The following CPED1 variants were observed in gnomAD, a reference collection of about 807,000 sequenced individuals.
The protein encoded by CPED1 is cadherin like and PC-esterase domain containing 1.
CPED1 carries 114 observed loss-of-function variants against 128.2 expected under a neutral mutation model. The ratio of observed to expected loss-of-function variants is 0.89; its 90% CI spans 0.76 to 1.04. The LOEUF (loss-of-function observed/expected upper bound fraction) is 1.04. CPED1 is among the 50% of genes least tolerant of loss of function. The pLI is 0.00. For missense variants in CPED1, 1,211 were observed against 1,207.1 expected (o/e 1.00, Z -0.05); for synonymous variants, 462 against 426.7 (o/e 1.08, Z -1.02).
intron 4 of CPED1, among the ~76,000 whole-genome samples, chr7:121,062,150 G>A (rs897290655): frequency 5.9e-5 from 9 of 152,184 alleles, no homozygotes; most frequent in African/African-American, 2.2e-4. Flanking sequence ...TTGGTTAAGA[G>A]AAGGTTAGCA....
intron 18 of CPED1, among the ~76,000 whole-genome samples, chr7:121,250,292 T>C (rs1798639974): frequency 6.6e-6 from 1 of 151,630 alleles, no homozygotes; most frequent in Admixed American, 6.6e-5. Context: ...AGACACAACA[T>C]ACCAGAATCT....
At chr7:121,243,747 C>G (rs574561567) in intron 17 of CPED1, among the ~76,000 whole-genome samples, 1 of 152,136 alleles carries the variant, frequency 6.6e-6, no homozygotes, top group South Asian at 2.1e-4. Flanking sequence ...TGAAGTAGTT[C>G]TCTTGTATCT....
At chr7:121,227,179 T>TGTTTA (rs935459748) in intron 16 of CPED1, among the ~76,000 whole-genome samples, 20 of 152,196 alleles carry the variant, frequency 1.3e-4, no homozygotes, top group East Asian at 3.9e-4. Flanking sequence ...ATATAGGTCA[T>TGTTTA]GTTTACCCTT....
intron 2 of CPED1, among the ~76,000 whole-genome samples, chr7:120,995,945 TCTCCTCCTCCTCCTCCTCCTCCTC>T (rs10572580): frequency 6.8e-6 from 1 of 147,482 alleles, no homozygotes; most frequent in Admixed American, 6.7e-5. Flanking sequence ...TCCTCCTTCT[TCTCCTCCTCCTCCTCCTCCTCCTC>T]CTTCTTCTTC....
At chr7:121,098,745 A>ATATAC (rs1563024757) in intron 6 of CPED1, among the ~76,000 whole-genome samples, 1 of 33,960 alleles carries the variant, frequency 2.9e-5, no homozygotes, top group Admixed American at 5.0e-4. Context: ...TATATATATA[A>ATATAC]AAATATATAA....
At chr7:121,259,348 G>A (rs1325550472) in intron 18 of CPED1, among the ~76,000 whole-genome samples, 2 of 151,950 alleles carry the variant, frequency 1.3e-5, no homozygotes, top group African/African-American at 4.8e-5. Context: ...GATCTTGGGT[G>A]GAAAGTTGGA....
intron 16 of CPED1, among the ~76,000 whole-genome samples, chr7:121,233,384 G>C (rs6965195): frequency 6.6e-6 from 1 of 151,704 alleles, no homozygotes; most frequent in Non-Finnish European, 1.5e-5. Flanking sequence ...TGACACTTAA[G>C]ACCAAAAAAG....
chr7:121,164,904 C>A (rs186211338), intron 16 of CPED1, among the ~76,000 whole-genome samples: 2 of 152,244 alleles, frequency 1.3e-5, no homozygotes, highest in Admixed American at 1.3e-4. Flanking sequence ...ACTTCTAGTC[C>A]TATATTGTTC....
intron 9 of CPED1, among the ~76,000 whole-genome samples, chr7:121,126,617 C>T (rs924218314): frequency 5.3e-5 from 8 of 151,962 alleles, no homozygotes; most frequent in Admixed American, 2.6e-4. Flanking sequence ...ACTATTATTC[C>T]GGTAAGCCAA....
intron 7 of CPED1, among the ~76,000 whole-genome samples, chr7:121,117,409 T>A (rs1255578850): frequency 6.6e-6 from 1 of 152,114 alleles, no homozygotes; most frequent in Admixed American, 6.6e-5. Flanking sequence ...CCAAATTATA[T>A]TCAAATACAA....
At chr7:121,033,181 A>T (rs1792781879) in intron 3 of CPED1, among the ~76,000 whole-genome samples, 1 of 152,122 alleles carries the variant, frequency 6.6e-6, no homozygotes, top group African/African-American at 2.4e-5. Context: ...TTAGATTGAA[A>T]CCACTGCTGA....
intron 11 of CPED1, among the ~76,000 whole-genome samples, chr7:121,129,319 A>ATATATATACGTATT (rs1452041967): frequency 7.6e-6 from 1 of 131,960 alleles, no homozygotes; most frequent in Non-Finnish European, 1.7e-5. Flanking sequence ...ATACGTATAT[A>ATATATATACGTATT]TATATATATA....
chr7:121,118,044 A>G (rs563194023), intron 7 of CPED1, among the ~76,000 whole-genome samples: 2 of 152,292 alleles, frequency 1.3e-5, no homozygotes, highest in South Asian at 2.1e-4. Flanking sequence ...TTTTAACAAG[A>G]TTGAATATTT....
At chr7:121,030,894 A>G (rs1792710870) in intron 3 of CPED1, among the ~76,000 whole-genome samples, 1 of 152,190 alleles carries the variant, frequency 6.6e-6, no homozygotes, top group South Asian at 2.1e-4. Flanking sequence ...CTTTATATGT[A>G]TTAACTAATC....
At chr7:121,155,196 A>T (rs889740549) in intron 16 of CPED1, among the ~76,000 whole-genome samples, 4 of 152,150 alleles carry the variant, frequency 2.6e-5, no homozygotes, top group Non-Finnish European at 5.9e-5. Context: ...AAACTATAAA[A>T]CTCTGATAAA....
chr7:121,233,995 A>G (rs1351422592), intron 16 of CPED1, among the ~76,000 whole-genome samples: 1 of 152,038 alleles, frequency 6.6e-6, no homozygotes, highest in East Asian at 1.9e-4. Flanking sequence ...CAGAGTGATC[A>G]AGAAAAAGTG....
intron 7 of CPED1, among the ~76,000 whole-genome samples, chr7:121,112,177 C>T (rs910721832): frequency 1.3e-5 from 2 of 152,094 alleles, no homozygotes; most frequent in African/African-American, 4.8e-5. Context: ...AAAGTTTTTG[C>T]TTGTATAGTA....
intron 22 of CPED1, among the ~76,000 whole-genome samples, chr7:121,275,403 A>G (rs1353187529): frequency 6.6e-6 from 1 of 152,154 alleles, no homozygotes; most frequent in Non-Finnish European, 1.5e-5. Context: ...TACATAGGAC[A>G]ACAAACAGGA....
At chr7:121,150,468 G>C (rs866176825) in intron 16 of CPED1, among the ~76,000 whole-genome samples, 18 of 152,000 alleles carry the variant, frequency 1.2e-4, no homozygotes, top group African/African-American at 4.1e-4. Flanking sequence ...TGTGCATCTA[G>C]GTTGATTCCA....
Sources: gnomAD v4.1 joint callset for allele counts (sites outside exome capture counted in the v4.1 genomes callset) on GRCh38, gnomAD v4.1.1 for gene constraint, MANE v1.5 for transcripts, NCBI Gene and HGNC (gene_info 2026-07-23, HGNC 2026-07-21) for gene names.